Variants in DOCK10 observed in about 807,000 individuals in gnomAD.
DOCK10 encodes the protein dedicator of cytokinesis protein 10.
A neutral mutation model predicts 280.1 loss-of-function variants in DOCK10; 145 were observed. That is an observed-to-expected ratio of 0.52 (90% confidence interval 0.45 to 0.59). DOCK10 has a LOEUF of 0.59. DOCK10 is among the 20% of genes least tolerant of loss of function. The probability of loss-of-function intolerance (pLI) is 0.00; values close to 1 mark genes in which losing one functional copy is unlikely to be tolerated. For missense variants in DOCK10, 2,368 were observed against 2,651.7 expected, an observed-to-expected ratio of 0.89 and a Z score of 2.35; for synonymous variants, 915 against 942.2, an observed-to-expected ratio of 0.97 and a Z score of 0.53.
chr2:225,010,725 G>C (rs1347747386), intron 1 of DOCK10, among the ~76,000 whole-genome samples: 1 of 150,086 alleles, frequency 6.7e-6, no homozygotes, highest in Admixed American at 6.6e-5. Context: ...ATTAAAAGTT[G>C]AAAAAGAAAT....
chr2:224,887,706 A>G (rs1699391337), intron 4 of DOCK10, among the ~76,000 whole-genome samples: 1 of 152,184 alleles, frequency 6.6e-6, no homozygotes, highest in South Asian at 2.1e-4. Flanking sequence ...ACATGGTGGT[A>G]TGGGAGGGAT....
At chr2:224,840,571 T>C (rs1167023995) in intron 23 of DOCK10, among the ~76,000 whole-genome samples, 2 of 152,182 alleles carry the variant, frequency 1.3e-5, no homozygotes, top group African/African-American at 4.8e-5. Context: ...CATCACCTCA[T>C]ATCTGTTAAA....
In DOCK10 at chr2:224,805,805, A is replaced by G. The variant is rs1020939003; in HGVS notation, c.3815-276T>C. Among the ~76,000 whole-genome samples the G allele has an allele frequency of 9.9e-5, 15 of 152,176 alleles. No homozygotes were observed. The highest frequency in any genetic ancestry group is 3.6e-4 in the African/African-American group (15 of 41,450). On this transcript the variant is annotated intron_variant, in intron 34 of 55. Transcript: ENST00000258390. This position sits in a 1 kb window ranked among gnomAD's most constrained non-coding sequence, Gnocchi z 4.3. The stretch of plus-strand genomic sequence containing the variant: ...ATTTCCAAAACAGTTCTTAAAAATA[A>G]TACTTGAAGTTGAAAAGCCATTATA...
In DOCK10 at chr2:224,795,073, C is replaced by T. The variant is rs750351401; in HGVS notation, c.4960G>A (p.Val1654Met). 2.5e-6 allele frequency: 4 copies of T among 1,613,890 alleles called. No homozygotes were observed. The highest frequency in any genetic ancestry group is 1.1e-5 in the South Asian group (1 of 91,078). Residue 1654 changes from valine (V) to methionine (M), a missense_variant, in exon 45 of 56, where the codon GTG becomes ATG. Val to Met is a conservative substitution (Grantham distance 21). Transcript: ENST00000258390. ...CTTATACGCTTAGTCAGGTCCTTCA[C>T]CTCTGCTGGGAAATTGCTGTTCTTT... The part of the protein sequence containing the change: ...QMKNSNFPAE[V>M]KDLTKRIRTV...
intron 30 of DOCK10, 65 bp downstream of exon 30, chr2:224,816,552 G>A: frequency 1.0e-6 from 1 of 988,934 alleles, no homozygotes; most frequent in Non-Finnish European, 1.6e-6. Flanking sequence ...TAAACAAAAG[G>A]TAAAACGAAC....
At chr2:225,036,837 T>C (rs1021826507) in intron 1 of DOCK10, among the ~76,000 whole-genome samples, 1 of 152,192 alleles carries the variant, frequency 6.6e-6, no homozygotes, top group African/African-American at 2.4e-5. Flanking sequence ...TAGGACTTAA[T>C]AGTGATGTAT....
chr2:224,979,063 T>C (rs1436904161), intron 1 of DOCK10, among the ~76,000 whole-genome samples: 1 of 152,216 alleles, frequency 6.6e-6, no homozygotes, highest in Non-Finnish European at 1.5e-5. Flanking sequence ...CATCCAGGTC[T>C]TTGGGATCAT....
chr2:225,003,084 A>G (rs1374603772), intron 1 of DOCK10, among the ~76,000 whole-genome samples: 1 of 152,146 alleles, frequency 6.6e-6, no homozygotes, highest in Non-Finnish European at 1.5e-5. Flanking sequence ...GTCTCACTTT[A>G]TCACCAGGCT....
In DOCK10 at chr2:224,984,873, G is replaced by A. The variant is rs959828718; in HGVS notation, c.124-53205C>T. ...TTTTTTTTTTTTGAGGTTGAGTTTC[G>A]CTCTATCGCCCAGGCTGGAGTACAG... On this transcript the variant is annotated intron_variant, in intron 1 of 55. Transcript: ENST00000258390. Among the ~76,000 whole-genome samples, 64 of 138,744 alleles carry A rather than the reference G, an allele frequency of 4.6e-4. 1 individual carries two copies. Among genetic ancestry groups the A allele is most frequent in the South Asian group, 2.2e-4 (1 of 4,510 alleles). The allele number at this position is 138,744 out of a possible 152,430, so 91.0% of individuals were successfully genotyped here. A position where few individuals can be genotyped will look rare whatever the true frequency, so the allele number is the denominator to read the frequency against.
At chr2:224,948,084 CAGAAATATTTGG>C (rs1179347937) in intron 1 of DOCK10, among the ~76,000 whole-genome samples, 1 of 152,016 alleles carries the variant, frequency 6.6e-6, no homozygotes, top group Non-Finnish European at 1.5e-5. Context: ...CTAGGTGAAG[CAGAAATATTTGG>C]AGGCCACAGG....
At chr2:224,965,556 T>C (rs1403466799) in intron 1 of DOCK10, among the ~76,000 whole-genome samples, 1 of 152,256 alleles carries the variant, frequency 6.6e-6, no homozygotes, top group Non-Finnish European at 1.5e-5. Flanking sequence ...AATTATCTTA[T>C]TTCCCTTTAG....
intron 38 of DOCK10, 59 bp from the exon 39 acceptor site, chr2:224,804,272 T>C: frequency 1.0e-6 from 1 of 982,772 alleles, no homozygotes; most frequent in Non-Finnish European, 1.6e-6. Context: ...CATATAAAAA[T>C]GAATGGCAAC....
rs145840926 is a variant in DOCK10, at chr2:224,768,934, G to A, written c.6444+1277C>T. On this transcript the variant is annotated intron_variant, in intron 55 of 55. Transcript: ENST00000258390. ...AGAGGAACAGAAGCTGTATAAACAC[G>A]GACCTCGACAGAGCTGCCAGGAAAA... 373 of 456,522 alleles carry A rather than the reference G, an allele frequency of 8.2e-4. 3 individuals are homozygous for A. Among genetic ancestry groups the A allele is most frequent in the African/African-American group, 6.5e-3 (325 of 50,168 alleles). The allele number at this position is 456,522 out of a possible 1,614,324, so 28.3% of individuals were successfully genotyped here.
At chr2:224,954,644 A>C (rs1703942384) in intron 1 of DOCK10, among the ~76,000 whole-genome samples, 1 of 152,232 alleles carries the variant, frequency 6.6e-6, no homozygotes, top group South Asian at 2.1e-4. Context: ...AGGGCATAAC[A>C]ATAATGACAA....
At chr2:224,778,309 T>C in intron 50 of DOCK10, 25 bp from the exon 51 acceptor site, 1 of 1,580,384 alleles carries the variant, frequency 6.3e-7, no homozygotes, top group Non-Finnish European at 8.6e-7. Context: ...GAACCACCAA[T>C]TTTATTAGAC....
chr2:225,000,310 T>C (rs1706398732), intron 1 of DOCK10, among the ~76,000 whole-genome samples: 1 of 152,168 alleles, frequency 6.6e-6, no homozygotes, highest in Non-Finnish European at 1.5e-5. Context: ...TTTATAATGA[T>C]CTATGTGGCC....
intron 1 of DOCK10, among the ~76,000 whole-genome samples, chr2:224,980,201 C>T (rs1477941976): frequency 1.3e-5 from 2 of 152,168 alleles, no homozygotes; most frequent in Non-Finnish European, 2.9e-5. Context: ...ACTGGGAGTG[C>T]TTGCTACAAG....
At chr2:224,921,112 A>AAAATATATATATATATATAT in intron 2 of DOCK10, among the ~76,000 whole-genome samples, 1 of 54,410 alleles carries the variant, frequency 1.8e-5, no homozygotes, top group African/African-American at 1.6e-4. Context: ...AAAAAAAAAA[A>AAAATATATATATATATATAT]ATATATATAT....
Position 224,786,990 on chromosome 2 carries a change from T to C in DOCK10, c.5655+32A>G, listed in dbSNP as rs1180104984. The C allele has an allele frequency of 4.6e-6, 7 of 1,506,146 alleles. No homozygotes were observed. The highest frequency in any genetic ancestry group is 6.5e-6 in the Non-Finnish European group (7 of 1,081,758). 93.3% of individuals were successfully genotyped at this position (1,506,146 alleles called of 1,614,324 possible). On this transcript the variant is annotated intron_variant, in intron 50 of 55. Coordinates refer to ENST00000258390, the MANE Select transcript of DOCK10 (RefSeq NM_014689.3). The surrounding 1 kb of genome is among the most constrained non-coding windows in gnomAD (Gnocchi z 4.7). ...GACAACATTCAACTGCTCAGCAGAA[T>C]TTATGGGCCGTGTTATTTCTGGTGA...
Sources: allele counts gnomAD v4.1 joint callset (sites outside exome capture counted in the v4.1 genomes callset), GRCh38; gene constraint gnomAD v4.1.1; non-coding constraint Gnocchi (gnomAD v3.1); transcripts MANE v1.5; gene names NCBI Gene and HGNC (gene_info 2026-07-23, HGNC 2026-07-21).